The following TRIM24 variants were observed in gnomAD, a reference collection of about 807,000 sequenced individuals.
TRIM24 encodes tripartite motif containing 24.
In TRIM24, 29 loss-of-function variants were observed where a neutral mutation model predicts 123.9. The ratio of observed to expected loss-of-function variants is 0.23; its 90% CI spans 0.17 to 0.32. The LOEUF (loss-of-function observed/expected upper bound fraction) is 0.32. Among genes scored for constraint, TRIM24 ranks in the 10% least tolerant of loss-of-function variants. The pLI is 1.00. For synonymous variants in TRIM24, 456 were observed against 461.1 expected, an observed-to-expected ratio of 0.99 and a Z score of 0.14; for missense variants, 932 against 1,295.3, an observed-to-expected ratio of 0.72 and a Z score of 4.31.
At chr7:138,498,424 C>A (rs1393142962) in intron 1 of TRIM24, among the ~76,000 whole-genome samples, 5 of 151,938 alleles carry the variant, frequency 3.3e-5, no homozygotes, top group African/African-American at 1.2e-4. Context: ...AGGGTTTCAC[C>A]ATGTTGGCCA....
intron 6 of TRIM24, among the ~76,000 whole-genome samples, chr7:138,532,413 C>T (rs930379247): frequency 1.3e-5 from 2 of 152,248 alleles, no homozygotes; most frequent in Admixed American, 6.5e-5. Context: ...GGAAGGGATC[C>T]AGTTTCAGCT....
At chr7:138,466,367 T>C (rs1401212550) in intron 1 of TRIM24, among the ~76,000 whole-genome samples, 3 of 152,082 alleles carry the variant, frequency 2.0e-5, no homozygotes, top group African/African-American at 7.2e-5. Flanking sequence ...TTCATTTCTC[T>C]GATGAATAAT....
At chr7:138,535,039 C>G (rs1011567220) in intron 6 of TRIM24, among the ~76,000 whole-genome samples, 1 of 152,028 alleles carries the variant, frequency 6.6e-6, no homozygotes, top group Non-Finnish European at 1.5e-5. Flanking sequence ...GATTGCCACC[C>G]CTGCCTTTTT....
At chr7:138,517,712 A>G (rs1035205701) in intron 3 of TRIM24, among the ~76,000 whole-genome samples, 1 of 152,088 alleles carries the variant, frequency 6.6e-6, no homozygotes, top group African/African-American at 2.4e-5. Flanking sequence ...GACACTATTG[A>G]CATTTTGAGC....
In TRIM24 at chr7:138,585,781, A is replaced by ATTGT. The variant is rs1798004995; in HGVS notation, c.*834_*837dup. On this transcript the variant is annotated 3_prime_UTR_variant, in exon 19 of 19. Transcript: ENST00000343526. Reference sequence around the variant, plus strand: ...AGGTGATCCTTTTACAACAAGCCTCATTGTTTGCAGTATAGCTTTTAGTGG... The same window carrying ATTGT: ...AGGTGATCCTTTTACAACAAGCCTCATTGTTTGTTTGCAGTATAGCTTTTAGTGG... 1 of 521,964 alleles carries ATTGT rather than the reference A, an allele frequency of 1.9e-6. No homozygotes were observed. The allele number at this position is 521,964 out of a possible 1,614,324, so 32.3% of individuals were successfully genotyped here. A position where few individuals can be genotyped will look rare whatever the true frequency, so the allele number is the denominator to read the frequency against.
chr7:138,573,391 T>A, intron 11 of TRIM24, 116 bp from the exon 12 acceptor site: 1 of 965,900 alleles, frequency 1.0e-6, no homozygotes, highest in Non-Finnish European at 1.4e-6. Flanking sequence ...AAATGTGGTA[T>A]CTATGTTTTG....
intron 9 of TRIM24, among the ~76,000 whole-genome samples, chr7:138,564,266 G>C (rs1392248060): frequency 6.6e-6 from 1 of 152,130 alleles, no homozygotes; most frequent in Non-Finnish European, 1.5e-5. Flanking sequence ...CATAGCCCAA[G>C]CATGACCAGA....
chr7:138,568,363 C>T (rs1797578554), intron 10 of TRIM24, among the ~76,000 whole-genome samples: 1 of 138,278 alleles, frequency 7.2e-6, no homozygotes, highest in African/African-American at 2.6e-5. Flanking sequence ...ACTCGTAAGC[C>T]ACCGTACCTG....
chr7:138,586,031 GT>G lies in TRIM24; in HGVS notation c.*1085del, dbSNP rs1353260114. 2.3e-6 allele frequency: 1 copy of G among 437,622 alleles called. No homozygotes were observed. Among genetic ancestry groups the G allele is most frequent in the African/African-American group, 2.1e-5 (1 of 48,448 alleles). 27.1% of individuals were successfully genotyped at this position (437,622 alleles called of 1,614,324 possible). On this transcript the variant is annotated 3_prime_UTR_variant, in exon 19 of 19. Coordinates refer to ENST00000343526, the MANE Select transcript of TRIM24 (RefSeq NM_015905.3). ...TTTTTTCCTGAAGCATCTATCTCAT[GT>G]TTTTCTTTTGAGAGTCAGAACATCA...
intron 1 of TRIM24, among the ~76,000 whole-genome samples, chr7:138,472,667 T>C (rs977142945): frequency 5.3e-5 from 8 of 152,332 alleles, no homozygotes; most frequent in African/African-American, 1.9e-4. Flanking sequence ...TGTCTTCTTA[T>C]AGTGCTATCT....
At chr7:138,584,629 C>G (rs1797974782) in intron 18 of TRIM24, 113 bp from the exon 19 acceptor site, 2 of 819,212 alleles carry the variant, frequency 2.4e-6, no homozygotes, top group Non-Finnish European at 3.7e-6. Flanking sequence ...TAGTCCTAAA[C>G]TATTATTTCA....
At chr7:138,515,147 A>G in intron 2 of TRIM24, 65 bp from the exon 3 acceptor site, 2 of 1,536,476 alleles carry the variant, frequency 1.3e-6, no homozygotes, top group South Asian at 1.2e-5. Flanking sequence ...TCATGTACGC[A>G]TAGCTCGAGA....
intron 1 of TRIM24, chr7:138,491,154 A>G: frequency 3.4e-6 from 1 of 296,506 alleles, no homozygotes; most frequent in Non-Finnish European, 6.6e-6. Flanking sequence ...TCATTCTGCA[A>G]GTCAACAAAG....
intron 1 of TRIM24, 91 bp downstream of exon 1, chr7:138,461,003 C>T (rs1343184969): frequency 7.9e-5 from 94 of 1,195,060 alleles, no homozygotes; most frequent in Non-Finnish European, 9.6e-5. Flanking sequence ...GTCATGTCGC[C>T]GCCGCCCGGG....
At position 138,519,333 on chromosome 7, in the gene TRIM24, T is replaced by G; in HGVS notation, c.764+12T>G. 6.3e-7 allele frequency: 1 copy of G among 1,593,482 alleles called. No individual in the cohort carries two copies. Among genetic ancestry groups the G allele is most frequent in the South Asian group, 1.1e-5 (1 of 87,476 alleles). ...CATAAAGAGCATAGGTACCAGCATCTTTGGTTATATATATAGATTCATATG... is the reference window on the plus strand; with the variant it reads ...CATAAAGAGCATAGGTACCAGCATCGTTGGTTATATATATAGATTCATATG... On this transcript the variant is annotated intron_variant, in intron 4 of 18. Coordinates refer to ENST00000343526, the MANE Select transcript of TRIM24 (RefSeq NM_015905.3).
In TRIM24 at chr7:138,585,840, T is replaced by TG. The variant is rs1798006172; in HGVS notation, c.*890dup. 1.9e-6 allele frequency: 1 copy of TG among 519,286 alleles called. No individual in the cohort carries two copies. Among genetic ancestry groups the TG allele is most frequent in the East Asian group, 5.4e-5 (1 of 18,408 alleles). The allele number at this position is 519,286 out of a possible 1,614,324, so 32.2% of individuals were successfully genotyped here. On this transcript the variant is annotated 3_prime_UTR_variant, in exon 19 of 19. Coordinates refer to ENST00000343526, the MANE Select transcript of TRIM24 (RefSeq NM_015905.3). ...AAAATATAAATACAGCAGCGTGCAC[T>TG]GTATTTGATGTGAGGGTTCTTCATC...
At chr7:138,578,451 AC>A (rs746284397) in intron 14 of TRIM24, among the ~76,000 whole-genome samples, 2 of 152,196 alleles carry the variant, frequency 1.3e-5, no homozygotes, top group Non-Finnish European at 2.9e-5. Context: ...AAACAGTTAT[AC>A]CAGTACCTAC....
At chr7:138,513,660 C>A (rs1437010478) in intron 2 of TRIM24, among the ~76,000 whole-genome samples, 2 of 152,126 alleles carry the variant, frequency 1.3e-5, no homozygotes, top group South Asian at 4.1e-4. Flanking sequence ...CCCCATGATA[C>A]ACCTACCTCC....
At chr7:138,536,738 A>C (rs1190828313) in intron 6 of TRIM24, among the ~76,000 whole-genome samples, 2 of 152,168 alleles carry the variant, frequency 1.3e-5, no homozygotes, top group Middle Eastern at 3.2e-3. Flanking sequence ...ACTCTCTTCA[A>C]AGCTGTCAGA....
Sources: gnomAD v4.1 joint callset for allele counts (sites outside exome capture counted in the v4.1 genomes callset) on GRCh38, gnomAD v4.1.1 for gene constraint, MANE v1.5 for transcripts, NCBI Gene and HGNC (gene_info 2026-07-23, HGNC 2026-07-21) for gene names.